Variants in HK3 observed in about 807,000 individuals in gnomAD.
The protein encoded by HK3 is hexokinase 3.
Under a neutral mutation model 91.0 loss-of-function variants are expected in HK3, and 93 were observed. The ratio of observed to expected loss-of-function variants is 1.02; its 90% CI spans 0.86 to 1.21. The LOEUF (loss-of-function observed/expected upper bound fraction) is 1.21. HK3 is among the 50% of genes most tolerant of loss of function. HK3 has a pLI of 0.00. For missense variants in HK3, 1,235 were observed against 1,247.4 expected, an observed-to-expected ratio of 0.99 and a Z score of 0.15; for synonymous variants, 519 against 516.9, an observed-to-expected ratio of 1.00 and a Z score of -0.06.
rs142849353 is a variant in HK3, at chr5:176,888,993, G to A, written c.915-129C>T. ...CCAAACTGGAGACTCCAGAAGCAAC[G>A]AATAGCCTCCCAGAGGACAGGTGGG... is the stretch of plus-strand genomic sequence containing the variant. On this transcript the variant is annotated intron_variant, in intron 8 of 18. Transcript: ENST00000292432. The A allele has an allele frequency of 6.9e-4, 724 of 1,051,028 alleles. 5 individuals carry two copies. In the African/African-American group the frequency reaches 9.6e-3, roughly 14 times the overall value. 65.1% of individuals were successfully genotyped at this position (1,051,028 alleles called of 1,614,324 possible).
chr5:176,889,609 C>G (rs371543328), intron 7 of HK3, 36 bp downstream of exon 7: 2 of 1,613,942 alleles, frequency 1.2e-6, no homozygotes, highest in Non-Finnish European at 1.7e-6. Flanking sequence ...AGGCAGCACA[C>G]CCTCCACCTG....
rs975417390 is a variant in HK3 at position 176,887,817 on chromosome 5, C to T, written c.1305-71G>A. 101 of 1,501,344 alleles carry T rather than the reference C, an allele frequency of 6.7e-5. No homozygotes were observed. In the East Asian group the frequency reaches 1.1e-3, roughly 16 times the overall value. 93.0% of individuals were successfully genotyped at this position (1,501,344 alleles called of 1,614,324 possible). A position where few individuals can be genotyped will look rare whatever the true frequency, so the allele number is the denominator to read the frequency against. ...ACACACACAGGTGTGCACGGCTTGGCCCTGGACCCCCAGATACATACAGGT... is the reference window on the plus strand; with the variant it reads ...ACACACACAGGTGTGCACGGCTTGGTCCTGGACCCCCAGATACATACAGGT... On this transcript the variant is annotated intron_variant, in intron 10 of 18. Coordinates refer to ENST00000292432, the MANE Select transcript of HK3 (RefSeq NM_002115.3). The surrounding 1 kb of genome is among the most constrained non-coding windows in gnomAD (Gnocchi z 4.9).
intron 1 of HK3, 82 bp from the exon 2 acceptor site, chr5:176,896,267 T>C: frequency 1.6e-6 from 1 of 624,360 alleles, no homozygotes; most frequent in Non-Finnish European, 2.7e-6. Context: ...ACTTCCTTCC[T>C]TCTGAAGGGG....
intron 8 of HK3, 115 bp downstream of exon 8, chr5:176,889,266 C>T: frequency 6.6e-6 from 8 of 1,218,836 alleles, no homozygotes; most frequent in Middle Eastern, 2.3e-4. Context: ...CCCTGGAGAC[C>T]CTCAGAGTGA....
Position 176,887,073 on chromosome 5 carries a change from C to T in HK3, c.1786G>A (p.Gly596Ser), listed in dbSNP as rs1758607246. 1.2e-6 allele frequency: 2 copies of T among 1,614,208 alleles called. No homozygotes were observed. Among genetic ancestry groups the T allele is most frequent in the Non-Finnish European group, 1.7e-6 (2 of 1,180,040 alleles). Residue 596 changes from glycine (G) to serine (S), a missense_variant, in exon 13 of 19, where the codon GGC (glycine) becomes AGC (serine). Transcript: ENST00000292432. The surrounding 1 kb of genome is among the most constrained non-coding windows in gnomAD (Gnocchi z 4.9). ...DCIVDFQQKQ[G>S]LSGQSLPLGF... ...AGTGGGAGGCTCTGCCCGCTCAGGCCCTGCTTCTGCTGGAAGTCCACGATG... is the reference window on the plus strand; with the variant it reads ...AGTGGGAGGCTCTGCCCGCTCAGGCTCTGCTTCTGCTGGAAGTCCACGATG...
Position 176,889,362 on chromosome 5 carries a change from G to C in HK3, c.914+19C>G. On this transcript the variant is annotated intron_variant, in intron 8 of 18. Coordinates refer to ENST00000292432, the MANE Select transcript of HK3 (RefSeq NM_002115.3). ...AGACAGGGCCTGGAACCAAAGGTCA[G>C]GGCCCCCTGCCAGGTCACCTCTGAG... 1 of 1,610,002 alleles carries C rather than the reference G, an allele frequency of 6.2e-7. No individual in the cohort carries two copies. Among genetic ancestry groups the C allele is most frequent in the Non-Finnish European group, 8.5e-7 (1 of 1,177,302 alleles).
Position 176,887,572 on chromosome 5 carries a change from G to A in HK3, c.1479C>T (p.Asn493=), listed in dbSNP as rs150990803. 1.2e-6 allele frequency: 2 copies of A among 1,613,914 alleles called. No homozygotes were observed. The highest frequency in any genetic ancestry group is 2.7e-5 in the African/African-American group (2 of 75,066). Residue 493 remains asparagine (N), a synonymous_variant, in exon 11 of 19, where the codon AAC becomes AAT. Transcript: ENST00000292432. The surrounding 1 kb of genome is among the most constrained non-coding windows in gnomAD (Gnocchi z 4.9). ...LEETLAPFRL[N]HDQLAAVQAQ... The stretch of plus-strand genomic sequence containing the variant: ...CCTGAACCGCAGCCAGTTGATCATG[G>A]TTCAACCGGAATGGGGCCAGGGTCT...
intron 2 of HK3, among the ~76,000 whole-genome samples, chr5:176,895,387 C>T (rs2149378486): frequency 6.6e-6 from 1 of 152,204 alleles, no homozygotes; most frequent in East Asian, 1.9e-4. Context: ...ATAGGCAAGT[C>T]CTTTATCTCC....
At position 176,889,646 on chromosome 5, in the gene HK3, T is replaced by C. The variant is rs1314903138; in HGVS notation, c.729A>G (p.Val243=). Residue 243 remains valine (V), a splice_region_variant and synonymous_variant, in exon 7 of 19, where the codon GTA becomes GTG. Coordinates refer to ENST00000292432, the MANE Select transcript of HK3 (RefSeq NM_002115.3). The part of the protein sequence containing the change: ...GVRPCEVGLV[V]DTGTNACYME... ...CATCACAAATGGTCCATGGCTCACC[T>C]ACAACTAGCCCAACCTCACACGGCC... 1.9e-6 allele frequency: 3 copies of C among 1,614,178 alleles called. No homozygotes were observed. The highest frequency in any genetic ancestry group is 2.5e-6 in the Non-Finnish European group (3 of 1,180,016).
At chr5:176,885,337 A>G (rs947768881) in intron 13 of HK3, among the ~76,000 whole-genome samples, 4 of 152,230 alleles carry the variant, frequency 2.6e-5, no homozygotes, top group African/African-American at 9.6e-5. Context: ...AATTCTGCAC[A>G]GCAAAGGCTG....
chr5:176,884,280 G>T lies in HK3; in HGVS notation c.1858-146C>A. The T allele has an allele frequency of 1.4e-6, 1 of 709,802 alleles. No individual in the cohort carries two copies. The highest frequency in any genetic ancestry group is 2.4e-6 in the Non-Finnish European group (1 of 409,278). The allele number at this position is 709,802 out of a possible 1,614,324, so 44.0% of individuals were successfully genotyped here. ...TGCCTACTTTGCTGTATGGTTGAAG[G>T]CCTTGCCCTCTGCCCGCTCCCTACT... On this transcript the variant is annotated intron_variant, in intron 13 of 18. Coordinates refer to ENST00000292432, the MANE Select transcript of HK3 (RefSeq NM_002115.3). The surrounding 1 kb of genome is among the most constrained non-coding windows in gnomAD (Gnocchi z 4.1).
chr5:176,884,536 T>C lies in HK3; in HGVS notation c.1858-402A>G, dbSNP rs1205311521. ...CCCAGATGACAGCAGATCCCACCCT[T>C]TCAGAAAGAACTCCAAGTTACTCTA... is the stretch of plus-strand genomic sequence containing the variant. On this transcript the variant is annotated intron_variant, in intron 13 of 18. Transcript: ENST00000292432. This position sits in a 1 kb window ranked among gnomAD's most constrained non-coding sequence, Gnocchi z 4.1. Among the ~76,000 whole-genome samples the C allele has an allele frequency of 6.6e-6, 1 of 152,082 alleles. No individual in the cohort carries two copies.
At chr5:176,891,587 C>A in intron 2 of HK3, 37 bp from the exon 3 acceptor site, 1 of 1,587,014 alleles carries the variant, frequency 6.3e-7, no homozygotes, top group Non-Finnish European at 8.6e-7. Context: ...GAAGGAGCAC[C>A]ATTGGGCTGG....
chr5:176,886,556 G>A (rs563563463), intron 13 of HK3, among the ~76,000 whole-genome samples: 1 of 152,164 alleles, frequency 6.6e-6, no homozygotes, highest in East Asian at 1.9e-4. Context: ...GTAGGGATGT[G>A]TGTCTTAGCC....
chr5:176,881,580 T>C (rs1581287478), intron 17 of HK3, 45 bp from the exon 18 acceptor site: 1 of 1,584,484 alleles, frequency 6.3e-7, no homozygotes, highest in Non-Finnish European at 8.6e-7. Context: ...GGGTCGTGAC[T>C]TCTCCCACTT....
At chr5:176,886,310 A>T (rs1758582908) in intron 13 of HK3, among the ~76,000 whole-genome samples, 2 of 151,818 alleles carry the variant, frequency 1.3e-5, no homozygotes, top group African/African-American at 4.8e-5. Flanking sequence ...GGCTGGTTGG[A>T]GTAGGTGAGA....
intron 2 of HK3, among the ~76,000 whole-genome samples, chr5:176,892,016 G>A (rs1000567799): frequency 5.3e-5 from 8 of 152,178 alleles, no homozygotes; most frequent in Non-Finnish European, 8.8e-5. Flanking sequence ...AGCCCAGCAC[G>A]AGAGCATTTG....
chr5:176,893,063 A>G (rs754651366), intron 2 of HK3, among the ~76,000 whole-genome samples: 1 of 152,312 alleles, frequency 6.6e-6, no homozygotes, highest in East Asian at 1.9e-4. Flanking sequence ...CCAGGAACTC[A>G]GGCAGTGGGC....
chr5:176,894,125 C>T lies in HK3; in HGVS notation c.96+1939G>A, dbSNP rs1217152494. Among the ~76,000 whole-genome samples, 9 of 152,158 alleles carry T rather than the reference C, an allele frequency of 5.9e-5. 1 individual carries two copies. Among genetic ancestry groups the T allele is most frequent in the African/African-American group, 1.9e-4 (8 of 41,420 alleles). ...CACATAGGAGATGCTCAGTGGAACA[C>T]GGATTCCCTGTCCTCAGAGCACAAA... On this transcript the variant is annotated intron_variant, in intron 2 of 18. Transcript: ENST00000292432.
Sources: gnomAD v4.1 joint callset for allele counts (sites outside exome capture counted in the v4.1 genomes callset) on GRCh38, gnomAD v4.1.1 for gene constraint, Gnocchi (gnomAD v3.1) non-coding constraint, MANE v1.5 for transcripts, NCBI Gene and HGNC (gene_info 2026-07-23, HGNC 2026-07-21) for gene names.